Variants in SH3RF3 observed in about 807,000 individuals in gnomAD.
The protein encoded by SH3RF3 is SH3 domain containing ring finger 3.
In SH3RF3, 29 loss-of-function variants were observed where a neutral mutation model predicts 66.3. The observed-to-expected ratio is 0.44, with a 90% CI of 0.33 to 0.60. The LOEUF (loss-of-function observed/expected upper bound fraction) is 0.60. SH3RF3 is among the 20% of genes least tolerant of loss of function. The pLI is 0.04. For synonymous variants in SH3RF3, 583 were observed against 532.0 expected (o/e 1.10, Z -1.32); for missense variants, 1,194 against 1,190.9 (o/e 1.00, Z -0.04).
chr2:109,245,890 A>G (rs1279458163), intron 1 of SH3RF3, among the ~76,000 whole-genome samples: 1 of 152,204 alleles, frequency 6.6e-6, no homozygotes, highest in Non-Finnish European at 1.5e-5. Flanking sequence ...AGTACTTAAC[A>G]CAATCCCGGG....
intron 8 of SH3RF3, among the ~76,000 whole-genome samples, chr2:109,473,415 G>C (rs893983702): frequency 5.9e-5 from 9 of 152,156 alleles, no homozygotes; most frequent in Non-Finnish European, 1.2e-4. Context: ...CACCAAATTG[G>C]GACAAATACA....
chr2:109,474,616 G>A (rs1022646361), intron 8 of SH3RF3, among the ~76,000 whole-genome samples: 2 of 152,226 alleles, frequency 1.3e-5, no homozygotes, highest in African/African-American at 4.8e-5. Context: ...GGGCAGGGGG[G>A]GAGAACGCAG....
intron 1 of SH3RF3, among the ~76,000 whole-genome samples, chr2:109,283,729 TG>T (rs1453148656): frequency 2.0e-5 from 3 of 152,228 alleles, no homozygotes; most frequent in African/African-American, 7.2e-5. Context: ...GCTAAATCGC[TG>T]GCCTGAGCCA....
intron 8 of SH3RF3, among the ~76,000 whole-genome samples, chr2:109,463,486 C>T (rs375524041): frequency 6.6e-6 from 1 of 152,152 alleles, no homozygotes; most frequent in African/African-American, 2.4e-5. Flanking sequence ...TTCAAGGGTG[C>T]GAGGACTCCC....
chr2:109,354,626 C>T (rs890678370), intron 2 of SH3RF3, among the ~76,000 whole-genome samples: 3 of 152,184 alleles, frequency 2.0e-5, no homozygotes, highest in South Asian at 2.1e-4. Context: ...ATGTGAGCTG[C>T]GATATTTGCC....
At chr2:109,411,355 AG>A (rs1464461554) in intron 4 of SH3RF3, among the ~76,000 whole-genome samples, 1 of 152,206 alleles carries the variant, frequency 6.6e-6, no homozygotes, top group Non-Finnish European at 1.5e-5. Flanking sequence ...TGCCAGGGTT[AG>A]CAGTGGCTGC....
intron 1 of SH3RF3, among the ~76,000 whole-genome samples, chr2:109,149,509 C>G (rs917230133): frequency 6.6e-6 from 1 of 152,224 alleles, no homozygotes; most frequent in Non-Finnish European, 1.5e-5. Context: ...GCACAGGGCT[C>G]TCTACCATGA....
At chr2:109,209,836 A>G (rs1678926778) in intron 1 of SH3RF3, among the ~76,000 whole-genome samples, 1 of 152,234 alleles carries the variant, frequency 6.6e-6, no homozygotes, top group African/African-American at 2.4e-5. Flanking sequence ...ATTGTGACAA[A>G]ACATATATTA....
At chr2:109,322,967 G>T (rs1254602037) in intron 1 of SH3RF3, among the ~76,000 whole-genome samples, 1 of 152,112 alleles carries the variant, frequency 6.6e-6, no homozygotes, top group Non-Finnish European at 1.5e-5. Context: ...ATATAAAGAG[G>T]CCAAATCTGA....
At chr2:109,381,628 C>T (rs1261892701) in intron 3 of SH3RF3, among the ~76,000 whole-genome samples, 2 of 151,862 alleles carry the variant, frequency 1.3e-5, no homozygotes, top group East Asian at 1.9e-4. Flanking sequence ...GGCTGTGGCT[C>T]GCAAACTTCA....
At chr2:109,431,879 AAAG>A (rs1677225654) in intron 5 of SH3RF3, among the ~76,000 whole-genome samples, 1 of 152,176 alleles carries the variant, frequency 6.6e-6, no homozygotes, top group South Asian at 2.1e-4. Context: ...TCAAAAAAAA[AAAG>A]GTCAAGTAAT....
At chr2:109,267,421 A>G (rs1006846625) in intron 1 of SH3RF3, among the ~76,000 whole-genome samples, 1 of 152,186 alleles carries the variant, frequency 6.6e-6, no homozygotes, top group African/African-American at 2.4e-5. Flanking sequence ...AGAGACGCAA[A>G]AGAGAAGCAG....
chr2:109,344,802 A>G (rs974723499), intron 1 of SH3RF3, among the ~76,000 whole-genome samples: 1 of 152,124 alleles, frequency 6.6e-6, no homozygotes, highest in Non-Finnish European at 1.5e-5. Flanking sequence ...TGGGGATTTC[A>G]TGGCCAGAGG....
chr2:109,362,678 G>T (rs1446993212), intron 2 of SH3RF3, among the ~76,000 whole-genome samples: 1 of 152,126 alleles, frequency 6.6e-6, no homozygotes, highest in African/African-American at 2.4e-5. Context: ...GGGTGTTAAA[G>T]TCTCCAGCTG....
intron 1 of SH3RF3, among the ~76,000 whole-genome samples, chr2:109,202,966 C>A (rs778926829): frequency 2.0e-5 from 3 of 152,178 alleles, no homozygotes; most frequent in Non-Finnish European, 4.4e-5. Context: ...TGGTCTTGTG[C>A]CTGAGGATAA....
intron 3 of SH3RF3, among the ~76,000 whole-genome samples, chr2:109,380,502 T>A (rs1683487797): frequency 1.3e-5 from 2 of 152,196 alleles, no homozygotes; most frequent in Non-Finnish European, 2.9e-5. Flanking sequence ...TCTAAATGGG[T>A]CTAAGCTGGG....
At chr2:109,324,270 T>C (rs1193896150) in intron 1 of SH3RF3, among the ~76,000 whole-genome samples, 2 of 152,208 alleles carry the variant, frequency 1.3e-5, no homozygotes, top group South Asian at 2.1e-4. Flanking sequence ...CCTGTGACTA[T>C]TGATGTACAA....
intron 1 of SH3RF3, among the ~76,000 whole-genome samples, chr2:109,134,524 T>C (rs1676774556): frequency 6.6e-6 from 1 of 152,198 alleles, no homozygotes; most frequent in Non-Finnish European, 1.5e-5. Flanking sequence ...CAGGTGTGAA[T>C]GAAGCCTCTG....
chr2:109,262,257 A>T (rs1269503442), intron 1 of SH3RF3, among the ~76,000 whole-genome samples: 2 of 152,250 alleles, frequency 1.3e-5, no homozygotes, highest in Non-Finnish European at 2.9e-5. Flanking sequence ...GAAAGCTTGG[A>T]GAGAAACCAG....
Sources: allele counts gnomAD v4.1 joint callset (sites outside exome capture counted in the v4.1 genomes callset), GRCh38; gene constraint gnomAD v4.1.1; transcripts MANE v1.5; gene names NCBI Gene and HGNC (gene_info 2026-07-23, HGNC 2026-07-21).